Variants in EXOC6B observed in about 807,000 individuals in gnomAD.
EXOC6B encodes the protein exocyst complex component 6B, also known as SEC15 homolog B.
EXOC6B carries 54 observed loss-of-function variants against 113.5 expected under a neutral mutation model. The observed-to-expected ratio is 0.48, with a 90% CI of 0.38 to 0.60. The LOEUF is 0.60. Among genes scored for constraint, EXOC6B ranks in the 20% least tolerant of loss-of-function variants. The pLI, the probability that EXOC6B is intolerant of heterozygous loss-of-function variation, is 0.00. For synonymous variants in EXOC6B, 357 were observed against 339.0 expected (o/e 1.05, Z -0.58); for missense variants, 797 against 977.5 (o/e 0.82, Z 2.46).
intron 20 of EXOC6B, among the ~76,000 whole-genome samples, chr2:72,328,135 C>T (rs1275822584): frequency 1.3e-5 from 2 of 152,046 alleles, no homozygotes; most frequent in Admixed American, 1.3e-4. Context: ...TCAGAGCTTC[C>T]TTTGATGCTG....
At chr2:72,453,081 A>C (rs1192299555) in intron 18 of EXOC6B, among the ~76,000 whole-genome samples, 1 of 152,192 alleles carries the variant, frequency 6.6e-6, no homozygotes, top group African/African-American at 2.4e-5. Context: ...TACTGTAGCA[A>C]AAAGAGTATA....
At chr2:72,439,211 A>G (rs548076973) in intron 18 of EXOC6B, among the ~76,000 whole-genome samples, 5 of 152,342 alleles carry the variant, frequency 3.3e-5, no homozygotes, top group South Asian at 4.1e-4. Context: ...TAAAGAAAAA[A>G]GTAAAATTAT....
At chr2:72,619,800 C>T (rs75801424) in intron 6 of EXOC6B, among the ~76,000 whole-genome samples, 1 of 152,320 alleles carries the variant, frequency 6.6e-6, no homozygotes, top group East Asian at 1.9e-4. Context: ...GGAGACTCTG[C>T]ATCCCTGATT....
intron 20 of EXOC6B, among the ~76,000 whole-genome samples, chr2:72,253,879 G>A (rs1296170469): frequency 1.3e-5 from 2 of 152,104 alleles, no homozygotes; most frequent in African/African-American, 4.8e-5. Flanking sequence ...AGATATGTTC[G>A]GCTGGGCACA....
At chr2:72,717,101 C>T (rs1679668116) in intron 6 of EXOC6B, among the ~76,000 whole-genome samples, 1 of 152,088 alleles carries the variant, frequency 6.6e-6, no homozygotes, top group Admixed American at 6.5e-5. Context: ...TAGTTTTAAA[C>T]TCTGCACTTT....
At chr2:72,564,427 A>G (rs1704052658) in intron 7 of EXOC6B, among the ~76,000 whole-genome samples, 1 of 152,218 alleles carries the variant, frequency 6.6e-6, no homozygotes, top group Non-Finnish European at 1.5e-5. Context: ...GTTTCTCCGT[A>G]TCGGTAAATG....
chr2:72,674,431 C>T (rs1281001873), intron 6 of EXOC6B, among the ~76,000 whole-genome samples: 3 of 152,224 alleles, frequency 2.0e-5, no homozygotes, highest in Non-Finnish European at 4.4e-5. Flanking sequence ...GTGTTCTTCA[C>T]CTTCACACAT....
chr2:72,660,471 A>G (rs1223714594), intron 6 of EXOC6B, among the ~76,000 whole-genome samples: 2 of 152,198 alleles, frequency 1.3e-5, no homozygotes, highest in East Asian at 3.8e-4. Flanking sequence ...TCCTCATTCA[A>G]TGTCTCCTAA....
intron 16 of EXOC6B, among the ~76,000 whole-genome samples, chr2:72,489,769 T>C (rs536472744): frequency 2.6e-5 from 4 of 152,182 alleles, no homozygotes; most frequent in African/African-American, 9.6e-5. Flanking sequence ...AAAAAAATAA[T>C]GAATAGTCAC....
rs1390299101 is a variant in EXOC6B at position 72,731,257 on chromosome 2, G to A, written c.328-12C>T. ...ATTGCTATTACCAGCTTGGCAAGAG[G>A]GAAAAAGACTGAATTATGCCTATGG... On this transcript the variant is annotated splice_polypyrimidine_tract_variant and intron_variant, in intron 3 of 21. Transcript: ENST00000272427. 4 of 1,600,360 alleles carry A rather than the reference G, an allele frequency of 2.5e-6. No homozygotes were observed. In the South Asian group the frequency reaches 4.4e-5, roughly 18 times the overall value.
At chr2:72,442,957 C>T (rs1257443846) in intron 18 of EXOC6B, among the ~76,000 whole-genome samples, 1 of 152,164 alleles carries the variant, frequency 6.6e-6, no homozygotes, top group African/African-American at 2.4e-5. Context: ...AAGAACAAAG[C>T]TGGCAGCATC....
chr2:72,418,979 T>C (rs1257829346), intron 18 of EXOC6B, among the ~76,000 whole-genome samples: 4 of 152,172 alleles, frequency 2.6e-5, no homozygotes, highest in African/African-American at 9.7e-5. Flanking sequence ...CTTTTGTGTA[T>C]CGAGCTATTT....
chr2:72,384,759 CACTT>C (rs543917895), intron 18 of EXOC6B, among the ~76,000 whole-genome samples: 1 of 151,884 alleles, frequency 6.6e-6, no homozygotes, highest in South Asian at 2.1e-4. Flanking sequence ...CAAAAAATGT[CACTT>C]ACAACAACTA....
intron 18 of EXOC6B, among the ~76,000 whole-genome samples, chr2:72,453,203 G>C (rs973395084): frequency 2.0e-5 from 3 of 152,056 alleles, no homozygotes; most frequent in Admixed American, 6.6e-5. Flanking sequence ...TCTGTAAAAA[G>C]ATTAAGTAAA....
At chr2:72,686,921 G>A (rs908651450) in intron 6 of EXOC6B, among the ~76,000 whole-genome samples, 1 of 152,022 alleles carries the variant, frequency 6.6e-6, no homozygotes, top group African/African-American at 2.4e-5. Flanking sequence ...GGCAGATCAC[G>A]AGGTCAGGAG....
chr2:72,582,937 T>C (rs1705320715), intron 6 of EXOC6B, among the ~76,000 whole-genome samples: 1 of 152,028 alleles, frequency 6.6e-6, no homozygotes, highest in Admixed American at 6.6e-5. Context: ...AAGAAAAGGT[T>C]GAAAATCAAC....
At chr2:72,545,077 T>TTTTTA (rs776298518) in intron 8 of EXOC6B, among the ~76,000 whole-genome samples, 1 of 152,118 alleles carries the variant, frequency 6.6e-6, no homozygotes, top group Non-Finnish European at 1.5e-5. Flanking sequence ...TACAGTTACA[T>TTTTTA]AAAATTAATT....
intron 6 of EXOC6B, among the ~76,000 whole-genome samples, chr2:72,621,832 T>G (rs1031750135): frequency 6.6e-6 from 1 of 152,144 alleles, no homozygotes; most frequent in Non-Finnish European, 1.5e-5. Context: ...TAACCCCATC[T>G]CATCAAAGGA....
chr2:72,407,109 A>C (rs189453587), intron 18 of EXOC6B, among the ~76,000 whole-genome samples: 17 of 152,220 alleles, frequency 1.1e-4, no homozygotes, highest in Non-Finnish European at 1.9e-4. Context: ...AAACTAGAAA[A>C]TCTAGAAGAA....
Sources: allele counts gnomAD v4.1 joint callset (sites outside exome capture counted in the v4.1 genomes callset), GRCh38; gene constraint gnomAD v4.1.1; transcripts MANE v1.5; gene names NCBI Gene and HGNC (gene_info 2026-07-23, HGNC 2026-07-21).